Variants in LAMA2 observed in about 807,000 individuals in gnomAD.
LAMA2 encodes the protein laminin subunit alpha-2.
A neutral mutation model predicts 364.8 loss-of-function variants in LAMA2; 269 were observed. That is an observed-to-expected ratio of 0.74 (90% CI 0.67 to 0.82). LAMA2 has a LOEUF of 0.82. LAMA2 is among the 40% of genes least tolerant of loss of function. LAMA2 has a pLI of 0.00. For missense variants in LAMA2, 3,807 were observed against 3,873.2 expected, an observed-to-expected ratio of 0.98 and a Z score of 0.45; for synonymous variants, 1,379 against 1,370.6, an observed-to-expected ratio of 1.01 and a Z score of -0.14.
chr6:129,269,618 T>G (rs909511269), intron 16 of LAMA2, among the ~76,000 whole-genome samples: 3 of 152,104 alleles, frequency 2.0e-5, no homozygotes, highest in Non-Finnish European at 4.4e-5. Context: ...TTGATTCAAT[T>G]TTTTAAAACC....
intron 3 of LAMA2, among the ~76,000 whole-genome samples, chr6:129,095,145 G>A (rs1303002842): frequency 6.6e-6 from 1 of 152,198 alleles, no homozygotes; most frequent in Non-Finnish European, 1.5e-5. Flanking sequence ...CTTGCAGACA[G>A]CATTTGTGGC....
At chr6:129,153,389 C>T (rs567563493) in intron 7 of LAMA2, among the ~76,000 whole-genome samples, 1 of 152,262 alleles carries the variant, frequency 6.6e-6, no homozygotes, top group East Asian at 1.9e-4. Flanking sequence ...TAGAGGAGAG[C>T]ACACCCACAT....
intron 1 of LAMA2, among the ~76,000 whole-genome samples, chr6:129,010,388 A>G (rs1385762194): frequency 6.6e-6 from 1 of 152,206 alleles, no homozygotes. Flanking sequence ...GGTGAAATAG[A>G]GGATACAGCT....
chr6:128,931,043 A>G (rs904221341), intron 1 of LAMA2, among the ~76,000 whole-genome samples: 12 of 152,196 alleles, frequency 7.9e-5, no homozygotes, highest in Non-Finnish European at 1.3e-4. Flanking sequence ...GCAAAAAAAA[A>G]GGGACAAGAA....
intron 1 of LAMA2, among the ~76,000 whole-genome samples, chr6:129,018,886 GT>G (rs1785245645): frequency 6.6e-6 from 1 of 151,908 alleles, no homozygotes; most frequent in Non-Finnish European, 1.5e-5. Context: ...AATTTTATTT[GT>G]TTATTTTTCC....
intron 40 of LAMA2, among the ~76,000 whole-genome samples, chr6:129,427,049 G>C (rs1472673312): frequency 1.3e-5 from 2 of 152,070 alleles, no homozygotes; most frequent in African/African-American, 4.8e-5. Flanking sequence ...TATTAAAATG[G>C]GTAACTAGAC....
At chr6:129,227,468 A>G (rs1411892903) in intron 12 of LAMA2, among the ~76,000 whole-genome samples, 3 of 151,968 alleles carry the variant, frequency 2.0e-5, no homozygotes, top group Admixed American at 1.3e-4. Context: ...GGTTTTATCT[A>G]CCTTTGGTCT....
At chr6:128,928,314 C>A (rs1409313003) in intron 1 of LAMA2, among the ~76,000 whole-genome samples, 1 of 152,154 alleles carries the variant, frequency 6.6e-6, no homozygotes, top group Non-Finnish European at 1.5e-5. Context: ...TAATTAGGTT[C>A]ACTGCTCTGG....
chr6:129,300,958 A>G (rs1773514856), intron 22 of LAMA2, 86 bp downstream of exon 22: 2 of 1,095,920 alleles, frequency 1.8e-6, no homozygotes, highest in South Asian at 1.2e-5. Context: ...TCAAAATTCA[A>G]TATTACATCA....
At chr6:128,968,506 G>A (rs1277372543) in intron 1 of LAMA2, among the ~76,000 whole-genome samples, 1 of 152,170 alleles carries the variant, frequency 6.6e-6, no homozygotes, top group African/African-American at 2.4e-5. Flanking sequence ...ATGAAAACAG[G>A]TGTTGGAATA....
intron 1 of LAMA2, among the ~76,000 whole-genome samples, chr6:128,973,187 T>C (rs1782297488): frequency 2.0e-5 from 3 of 152,232 alleles, no homozygotes; most frequent in Admixed American, 1.3e-4. Context: ...CATCATAAGA[T>C]GCTGCAGACC....
intron 1 of LAMA2, among the ~76,000 whole-genome samples, chr6:128,904,949 A>G (rs1298066693): frequency 6.6e-6 from 1 of 152,206 alleles, no homozygotes; most frequent in East Asian, 1.9e-4. Flanking sequence ...CAAGATGCAT[A>G]TGGTTTTCTT....
rs887397951 is a variant in LAMA2, at chr6:129,043,431, A to AT, written c.113-6478dup. On this transcript the variant is annotated intron_variant, in intron 1 of 64. Coordinates refer to ENST00000421865, the MANE Select transcript of LAMA2 (RefSeq NM_000426.4). ...ATTTTCTATTAATCACATGTAGTGG[A>AT]TTTTTTTTTCATTCTAGATACTGTG... is the stretch of plus-strand genomic sequence containing the variant. Among the ~76,000 whole-genome samples, 19 of 151,552 alleles carry AT rather than the reference A, an allele frequency of 1.3e-4. No homozygotes were observed. The East Asian group carries it at 2.1e-3, about 17-fold the overall frequency.
intron 16 of LAMA2, among the ~76,000 whole-genome samples, chr6:129,268,985 G>C (rs1184976270): frequency 1.3e-5 from 2 of 152,076 alleles, no homozygotes; most frequent in Non-Finnish European, 2.9e-5. Context: ...CTGTTCAGCT[G>C]ACCCTGCATT....
intron 14 of LAMA2, among the ~76,000 whole-genome samples, chr6:129,254,590 G>T (rs1298318450): frequency 1.3e-5 from 2 of 152,112 alleles, no homozygotes; most frequent in African/African-American, 4.8e-5. Flanking sequence ...TCTAAAGAAA[G>T]GCACATACTG....
rs369522415 is a variant in LAMA2, at chr6:128,954,634, C to T, written c.112+71277C>T. 1.2e-4 allele frequency among the ~76,000 whole-genome samples: 19 copies of T among 152,062 alleles called. No individual in the cohort carries two copies. In the South Asian group the frequency reaches 2.7e-3, roughly 22 times the overall value. ...CAATTTCTACTCTGTGCTGACCTGT[C>T]ATATGGGATAAATCTAACTACAGCA... On this transcript the variant is annotated intron_variant, in intron 1 of 64. Transcript: ENST00000421865.
chr6:129,152,772 T>A (rs375484173), intron 7 of LAMA2, among the ~76,000 whole-genome samples: 5 of 152,256 alleles, frequency 3.3e-5, no homozygotes, highest in African/African-American at 1.2e-4. Flanking sequence ...GGGAGAAACA[T>A]GGAAACTGTG....
At chr6:129,344,757 A>C (rs889616252) in intron 30 of LAMA2, among the ~76,000 whole-genome samples, 3 of 152,314 alleles carry the variant, frequency 2.0e-5, no homozygotes, top group Non-Finnish European at 2.9e-5. Flanking sequence ...TGCCATTGAC[A>C]CCAAGGGAGA....
rs1376104608 is a variant in LAMA2 at position 129,507,394 on chromosome 6, T to C, written c.8704-95T>C. 7 of 1,317,952 alleles carry C rather than the reference T, an allele frequency of 5.3e-6. No homozygotes were observed. In the East Asian group the frequency reaches 1.2e-4, roughly 22 times the overall value. The allele number at this position is 1,317,952 out of a possible 1,614,324, so 81.6% of individuals were successfully genotyped here. ...TCCCATCCTAAGACAACTGGATAAC[T>C]ACACACATAGAGCACCCTGCAAATG... On this transcript the variant is annotated intron_variant, in intron 61 of 64. Coordinates refer to ENST00000421865, the MANE Select transcript of LAMA2 (RefSeq NM_000426.4).
Sources: gnomAD v4.1 joint callset for allele counts (sites outside exome capture counted in the v4.1 genomes callset) on GRCh38, gnomAD v4.1.1 for gene constraint, MANE v1.5 for transcripts, NCBI Gene and HGNC (gene_info 2026-07-23, HGNC 2026-07-21) for gene names.